The following MARS1 variants were observed in gnomAD, a reference collection of about 807,000 sequenced individuals.
The protein encoded by MARS1 is methionyl-tRNA synthetase 1, also known as methionine--tRNA ligase, cytoplasmic.
A neutral mutation model predicts 119.5 loss-of-function variants in MARS1; 80 were observed. The observed-to-expected ratio is 0.67, with a 90% confidence interval of 0.56 to 0.81. MARS1 has a LOEUF of 0.81. Ranked by LOEUF, MARS1 falls within the 30% of genes least tolerant of loss-of-function variation. The pLI, the probability that MARS1 is intolerant of heterozygous loss-of-function variation, is 0.00. For synonymous variants in MARS1, 418 were observed against 433.4 expected, an observed-to-expected ratio of 0.96 and a Z score of 0.44; for missense variants, 945 against 1,116.5, an observed-to-expected ratio of 0.85 and a Z score of 2.19.
chr12:57,511,748 C>A lies in MARS1; in HGVS notation c.1419C>A (p.Asp473Glu), dbSNP rs1486713663. 1 of 1,614,228 alleles carries A rather than the reference C, an allele frequency of 6.2e-7. No individual in the cohort carries two copies. The change falls in exon 12 of 21, where the codon GAC (aspartate) becomes GAA (glutamate). Residue 473 changes from aspartate to glutamate, a missense_variant. Transcript: ENST00000262027. The part of the protein sequence containing the change: ...EWLGRTLPGS[D>E]WTPNAQFITR... The stretch of plus-strand genomic sequence containing the variant: ...TGGGGAGGACATTGCCTGGCAGTGA[C>A]TGGACACCCAATGCCCAGTTTATCA...
intron 11 of MARS1, among the ~76,000 whole-genome samples, chr12:57,506,085 C>G (rs1877166727): frequency 6.6e-6 from 1 of 151,922 alleles, no homozygotes; most frequent in Non-Finnish European, 1.5e-5. Flanking sequence ...TGGTGAGACC[C>G]CATCTCTACA....
At chr12:57,510,796 G>C (rs932830816) in intron 11 of MARS1, among the ~76,000 whole-genome samples, 3 of 151,832 alleles carry the variant, frequency 2.0e-5, no homozygotes, top group Admixed American at 2.0e-4. Context: ...GGTTGGGCAC[G>C]GTGGCTTATG....
At chr12:57,488,581 C>A (rs757557405) in intron 1 of MARS1, 2 of 1,550,962 alleles carry the variant, frequency 1.3e-6, no homozygotes, top group South Asian at 2.4e-5. Flanking sequence ...CTCTCCCCTC[C>A]TAACACACAC....
At chr12:57,514,626 G>C in intron 15 of MARS1, 94 bp from the exon 16 acceptor site, 1 of 1,504,986 alleles carries the variant, frequency 6.6e-7, no homozygotes, top group Admixed American at 1.7e-5. Flanking sequence ...CTGAGAGAAT[G>C]TACAGCTGTG....
In MARS1 at chr12:57,488,177, C is replaced by A. The variant is rs755807464; in HGVS notation, c.87C>A (p.Leu29=). ...AGRARGRAEV[L]ISTVGPEDCV... ...GAGCCCGGGGCAGAGCAGAGGTGCT[C>A]ATCAGCACTGTAGGCCCGGAAGGTA... is the stretch of plus-strand genomic sequence containing the variant. Residue 29 remains leucine (L), a synonymous_variant, in exon 1 of 21, where the codon CTC becomes CTA. Coordinates refer to ENST00000262027, the MANE Select transcript of MARS1 (RefSeq NM_004990.4). The A allele has an allele frequency of 1.2e-6, 2 of 1,613,996 alleles. No homozygotes were observed. The highest frequency in any genetic ancestry group is 4.5e-5 in the East Asian group (2 of 44,888).
rs776675095 is a variant in MARS1 at position 57,489,129 on chromosome 12, G to A, written c.200+20G>A. 1.2e-6 allele frequency: 2 copies of A among 1,611,658 alleles called. No individual in the cohort carries two copies. The highest frequency in any genetic ancestry group is 1.7e-5 in the Admixed American group (1 of 59,996). ...CTGCCGGTCAGTATTGGTCCTTGGT[G>A]TAGGGAGGTGGCTGAATCAAATCAG... On this transcript the variant is annotated intron_variant, in intron 2 of 20. Coordinates refer to ENST00000262027, the MANE Select transcript of MARS1 (RefSeq NM_004990.4).
chr12:57,494,328 CT>C (rs71448526), intron 7 of MARS1, among the ~76,000 whole-genome samples: 17,323 of 120,704 alleles, frequency 0.14, 684 homozygotes, highest in East Asian at 0.24. Flanking sequence ...TCTTTTTTTT[CT>C]TTTTTTTTTT....
Position 57,514,824 on chromosome 12 carries a change from A to T in MARS1, c.2072A>T (p.His691Leu), listed in dbSNP as rs756606134. 6.2e-7 allele frequency: 1 copy of T among 1,614,154 alleles called. No individual in the cohort carries two copies. Among genetic ancestry groups the T allele is most frequent in the Non-Finnish European group, 8.5e-7 (1 of 1,179,982 alleles). Reference protein sequence around the residue: ...LLAHVTLELQHYHQLLEKVRI... With the variant: ...LLAHVTLELQLYHQLLEKVRI... ...GCCCATGTCACCCTGGAGCTCCAGC[A>T]CTATCACCAGCTACTTGAGAAGGTT... The change falls in exon 16 of 21, where the codon CAC (histidine) becomes CTC (leucine). Residue 691 changes from histidine to leucine, a missense_variant. Physicochemically the swap from His to Leu is moderately conservative, Grantham distance 99 (BLOSUM62 -3). Coordinates refer to ENST00000262027, the MANE Select transcript of MARS1 (RefSeq NM_004990.4).
Position 57,490,387 on chromosome 12 carries a change from A to C in MARS1, c.663+8A>C, listed in dbSNP as rs199843552. The C allele has an allele frequency of 4.0e-5, 65 of 1,612,464 alleles. No individual in the cohort carries two copies. The highest frequency in any genetic ancestry group is 5.0e-5 in the Non-Finnish European group (59 of 1,179,914). ...GTCACCAATGAGCCTGAGGTTTGGA[A>C]TAGGGCAGAGCCTTGGGGCCTGAGG... is the stretch of plus-strand genomic sequence containing the variant. On this transcript the variant is annotated splice_region_variant and intron_variant, in intron 6 of 20. Coordinates refer to ENST00000262027, the MANE Select transcript of MARS1 (RefSeq NM_004990.4).
intron 13 of MARS1, 38 bp from the exon 14 acceptor site, chr12:57,512,195 AAGG>A: frequency 6.2e-7 from 1 of 1,600,516 alleles, no homozygotes. Flanking sequence ...TGGGCCTTTG[AAGG>A]AGGTCTCAGG....
rs1877754668 is a variant in MARS1, at chr12:57,515,448, T to C, written c.2391+112T>C. ...AGTGTTACTTTGGTCATGGGACTCC[T>C]AAGTTTCTGATATAAAGTCCTTGGT... On this transcript the variant is annotated intron_variant, in intron 18 of 20. Transcript: ENST00000262027. 11 of 1,038,978 alleles carry C rather than the reference T, an allele frequency of 1.1e-5. No homozygotes were observed. In the Admixed American group the frequency reaches 1.5e-4, roughly 14 times the overall value. The allele number at this position is 1,038,978 out of a possible 1,614,324, so 64.4% of individuals were successfully genotyped here.
At chr12:57,500,758 T>G (rs1164159707) in intron 10 of MARS1, among the ~76,000 whole-genome samples, 1 of 152,222 alleles carries the variant, frequency 6.6e-6, no homozygotes, top group Non-Finnish European at 1.5e-5. Flanking sequence ...TTTCCCAACC[T>G]TTGGTCTTGC....
chr12:57,510,373 G>T (rs1182135359), intron 11 of MARS1, among the ~76,000 whole-genome samples: 1 of 152,174 alleles, frequency 6.6e-6, no homozygotes, highest in Non-Finnish European at 1.5e-5. Context: ...TCAGGAGGCT[G>T]AGGCAGGAGA....
In MARS1 at chr12:57,512,261, A is replaced by T; in HGVS notation, c.1661A>T (p.Lys554Ile). Reference sequence around the variant, plus strand: ...GTGGACCTGTATCAGTTCATGGCCAAAGACAATGTTCCTTTCCATAGCTTA... The same window carrying T: ...GTGGACCTGTATCAGTTCATGGCCATAGACAATGTTCCTTTCCATAGCTTA... ...EQVDLYQFMA[K>I]DNVPFHSLVF... Residue 554 changes from lysine to isoleucine, a missense_variant, in exon 14 of 21, where the codon AAA (lysine) becomes ATA (isoleucine). By Grantham distance (102) the Lys-to-Ile change is moderately radical. Coordinates refer to ENST00000262027, the MANE Select transcript of MARS1 (RefSeq NM_004990.4). The T allele has an allele frequency of 6.2e-7, 1 of 1,614,090 alleles. No homozygotes were observed. Among genetic ancestry groups the T allele is most frequent in the Non-Finnish European group, 8.5e-7 (1 of 1,179,984 alleles).
rs780505076 is a variant in MARS1 at position 57,498,460 on chromosome 12, G to T, written c.928G>T (p.Gly310Trp). The change falls in exon 9 of 21, where the codon GGG (glycine) becomes TGG (tryptophan). Residue 310 changes from glycine (G) to tryptophan (W), a missense_variant. Coordinates refer to ENST00000262027, the MANE Select transcript of MARS1 (RefSeq NM_004990.4). Reference protein sequence around the residue: ...LRQWNTLYLCGTDEYGTATET... With the variant: ...LRQWNTLYLCWTDEYGTATET... ...CCAGTGGAACACCCTCTATCTGTGT[G>T]GGACAGATGAGTATGGTACAGCAAC... 6.2e-7 allele frequency: 1 copy of T among 1,614,006 alleles called. No individual in the cohort carries two copies. Among genetic ancestry groups the T allele is most frequent in the African/African-American group, 1.3e-5 (1 of 74,908 alleles).
intron 4 of MARS1, 147 bp from the exon 5 acceptor site, chr12:57,489,745 CAGTG>C (rs1875782511): frequency 7.6e-6 from 8 of 1,058,326 alleles, no homozygotes; most frequent in Non-Finnish European, 1.0e-5. Flanking sequence ...GTACCTATCT[CAGTG>C]AGTTATTGTG....
chr12:57,510,606 A>G (rs1471988433), intron 11 of MARS1, among the ~76,000 whole-genome samples: 2 of 146,724 alleles, frequency 1.4e-5, no homozygotes, highest in African/African-American at 5.0e-5. Flanking sequence ...CCCTACCTTA[A>G]AAAAAAAAAA....
intron 4 of MARS1, 65 bp downstream of exon 4, chr12:57,489,623 G>A (rs1875771570): frequency 6.3e-7 from 1 of 1,598,028 alleles, no homozygotes; most frequent in Non-Finnish European, 8.6e-7. Context: ...AGGGAAGACT[G>A]TATTCAGAGT....
intron 11 of MARS1, among the ~76,000 whole-genome samples, chr12:57,508,408 C>T (rs536371048): frequency 6.2e-4 from 94 of 152,366 alleles, no homozygotes; most frequent in African/African-American, 2.2e-3. Flanking sequence ...TCTGCAATCC[C>T]GGCACCTCGG....
Sources: allele counts gnomAD v4.1 joint callset (sites outside exome capture counted in the v4.1 genomes callset), GRCh38; gene constraint gnomAD v4.1.1; transcripts MANE v1.5; gene names NCBI Gene and HGNC (gene_info 2026-07-23, HGNC 2026-07-21).